TOP1: variants seen among roughly 807,000 people sequenced by gnomAD.
TOP1 encodes DNA topoisomerase I, also known as DNA topoisomerase 1.
In TOP1, 10 loss-of-function variants were observed where a neutral mutation model predicts 111.1. The observed-to-expected ratio is 0.09, with a 90% CI of 0.06 to 0.15. The LOEUF is 0.15. Ranked by LOEUF, TOP1 falls within the 10% of genes least tolerant of loss-of-function variation. The probability of loss-of-function intolerance (pLI) is 1.00; values close to 1 mark genes in which losing one functional copy is unlikely to be tolerated. For missense variants in TOP1, 474 were observed against 926.7 expected, an observed-to-expected ratio of 0.51 and a Z score of 6.34; for synonymous variants, 271 against 302.9, an observed-to-expected ratio of 0.89 and a Z score of 1.10.
intron 2 of TOP1, among the ~76,000 whole-genome samples, chr20:41,050,052 T>C (rs1425876255): frequency 6.6e-6 from 1 of 152,264 alleles, no homozygotes; most frequent in Non-Finnish European, 1.5e-5. Context: ...AGTTTCACTC[T>C]TGTTGCTTAG....
chr20:41,042,035 A>G (rs562666334), intron 2 of TOP1, among the ~76,000 whole-genome samples: 35 of 152,152 alleles, frequency 2.3e-4, no homozygotes, highest in African/African-American at 7.7e-4. Context: ...CATCCTCCTG[A>G]GTACCTGGGA....
chr20:41,073,872 A>C (rs535669990), intron 3 of TOP1, among the ~76,000 whole-genome samples: 1 of 152,318 alleles, frequency 6.6e-6, no homozygotes, highest in South Asian at 2.1e-4. Context: ...AGGGGGAGGC[A>C]GTATATTCAT....
chr20:41,122,052 T>C lies in TOP1; in HGVS notation c.2092T>C (p.Leu698=), dbSNP rs2034432397. 3 of 1,614,098 alleles carry C rather than the reference T, an allele frequency of 1.9e-6. No individual in the cohort carries two copies. The highest frequency in any genetic ancestry group is 1.1e-5 in the South Asian group (1 of 91,070). Residue 698 remains leucine (L), a synonymous_variant, in exon 20 of 21, where the codon TTG becomes CTG. Coordinates refer to ENST00000361337, the MANE Select transcript of TOP1 (RefSeq NM_003286.4). This position sits in a 1 kb window ranked among gnomAD's most constrained non-coding sequence, Gnocchi z 5.4. ...GGCTGTTCAGAGACTGGAGGAACAG[T>C]TGATGAAGCTGGAAGTTCAAGCCAC... The part of the protein sequence containing the change: ...KKAVQRLEEQ[L]MKLEVQATDR...
Position 41,094,411 on chromosome 20 carries a change from G to T in TOP1, c.730+1824G>T, listed in dbSNP as rs1343883453. On this transcript the variant is annotated intron_variant, in intron 9 of 20. Transcript: ENST00000361337. This position sits in a 1 kb window ranked among gnomAD's most constrained non-coding sequence, Gnocchi z 4.4. ...GGTCTGGACTTACCAAGAGCTTTAGGATGCTCAGCTGGTAAAGCCTCACTT... is the reference window on the plus strand; with the variant it reads ...GGTCTGGACTTACCAAGAGCTTTAGTATGCTCAGCTGGTAAAGCCTCACTT... Among the ~76,000 whole-genome samples, 2 of 152,206 alleles carry T rather than the reference G, an allele frequency of 1.3e-5. No individual in the cohort carries two copies. The highest frequency in any genetic ancestry group is 1.3e-4 in the Admixed American group (2 of 15,286).
chr20:41,115,182 GGA>G lies in TOP1; in HGVS notation c.1639-183_1639-182del, dbSNP rs1227678856. Reference sequence around the variant, plus strand: ...TATATATATCTGTAAATATACACATGGAGAGAGTGAGCATACATGCACACTGT... The same window carrying G: ...TATATATATCTGTAAATATACACATGGAGAGTGAGCATACATGCACACTGT... On this transcript the variant is annotated intron_variant, in intron 15 of 20. Transcript: ENST00000361337. This position sits in a 1 kb window ranked among gnomAD's most constrained non-coding sequence, Gnocchi z 6.3. 2.0e-5 allele frequency among the ~76,000 whole-genome samples: 3 copies of G among 151,772 alleles called. No homozygotes were observed. Among genetic ancestry groups the G allele is most frequent in the African/African-American group, 7.3e-5 (3 of 41,254 alleles).
chr20:41,074,724 G>C (rs996228599), intron 3 of TOP1, among the ~76,000 whole-genome samples: 2 of 152,288 alleles, frequency 1.3e-5, no homozygotes, highest in Non-Finnish European at 2.9e-5. Flanking sequence ...ATCTTCTACT[G>C]TAGTCAAGTG....
chr20:41,089,017 G>GTTTTTTTTTTTTTT (rs1290740653), intron 8 of TOP1, among the ~76,000 whole-genome samples: 11 of 69,248 alleles, frequency 1.6e-4, no homozygotes, highest in East Asian at 7.7e-4. Flanking sequence ...TGTTGCCCCA[G>GTTTTTTTTTTTTTT]TTCTTTTTTT....
chr20:41,066,766 G>A (rs775089200), intron 3 of TOP1, among the ~76,000 whole-genome samples: 34 of 152,000 alleles, frequency 2.2e-4, no homozygotes, highest in Admixed American at 9.2e-4. Flanking sequence ...GTGTTAACCA[G>A]GATGGTCTCA....
At chr20:41,054,133 G>A (rs1436957873) in intron 2 of TOP1, among the ~76,000 whole-genome samples, 1 of 152,296 alleles carries the variant, frequency 6.6e-6, no homozygotes, top group South Asian at 2.1e-4. Context: ...TGGTTTGGCT[G>A]TGTCCCCACC....
rs759922739 is a variant in TOP1, at chr20:41,118,159, T to G, written c.1823-10T>G. 1.1e-5 allele frequency: 18 copies of G among 1,612,678 alleles called. No homozygotes were observed. The highest frequency in any genetic ancestry group is 1.5e-5 in the Non-Finnish European group (18 of 1,179,002). ...CTGACCCTCTTGCTACCATGTTCCTTTCTTTACAGCGGATGAGAACATCCC... is the reference window on the plus strand; with the variant it reads ...CTGACCCTCTTGCTACCATGTTCCTGTCTTTACAGCGGATGAGAACATCCC... On this transcript the variant is annotated splice_polypyrimidine_tract_variant and intron_variant, in intron 17 of 20. Coordinates refer to ENST00000361337, the MANE Select transcript of TOP1 (RefSeq NM_003286.4). The surrounding 1 kb of genome is among the most constrained non-coding windows in gnomAD (Gnocchi z 4.6).
rs2033502740 is a variant in TOP1, at chr20:41,058,566, G to A, written c.59-2828G>A. ...GTGAGTACATGACAGTGTGTCACTG[G>A]CCTCCCCCAGAGCAAGGAGAGAGCA... On this transcript the variant is annotated intron_variant, in intron 2 of 20. Transcript: ENST00000361337. This position sits in a 1 kb window ranked among gnomAD's most constrained non-coding sequence, Gnocchi z 4.2. Among the ~76,000 whole-genome samples the A allele has an allele frequency of 6.6e-6, 1 of 152,168 alleles. No individual in the cohort carries two copies. Among genetic ancestry groups the A allele is most frequent in the African/African-American group, 2.4e-5 (1 of 41,430 alleles).
chr20:41,085,447 T>C (rs1321432141), intron 8 of TOP1, among the ~76,000 whole-genome samples: 2 of 152,248 alleles, frequency 1.3e-5, no homozygotes, highest in Non-Finnish European at 2.9e-5. Flanking sequence ...GAAGTGTATT[T>C]AGGTGGAGAA....
rs1000556863 is a variant in TOP1 at position 41,122,446 on chromosome 20, T to G, written c.2195+291T>G. Reference sequence around the variant, plus strand: ...TCCTAATGGAACTTTAGGACAGGAATGGAAACTCTTAGCTTCTGGAAGAAT... The same window carrying G: ...TCCTAATGGAACTTTAGGACAGGAAGGGAAACTCTTAGCTTCTGGAAGAAT... On this transcript the variant is annotated intron_variant, in intron 20 of 20. Transcript: ENST00000361337. This position sits in a 1 kb window ranked among gnomAD's most constrained non-coding sequence, Gnocchi z 5.4. Among the ~76,000 whole-genome samples the G allele has an allele frequency of 1.3e-5, 2 of 150,882 alleles. No individual in the cohort carries two copies. The highest frequency in any genetic ancestry group is 4.8e-5 in the African/African-American group (2 of 41,442).
chr20:41,118,136 G>T lies in TOP1; in HGVS notation c.1823-33G>T. On this transcript the variant is annotated intron_variant, in intron 17 of 20. Coordinates refer to ENST00000361337, the MANE Select transcript of TOP1 (RefSeq NM_003286.4). The surrounding 1 kb of genome is among the most constrained non-coding windows in gnomAD (Gnocchi z 4.6). Reference sequence around the variant, plus strand: ...TGTGTTCACTTTTGGTGTACAAACTGACCCTCTTGCTACCATGTTCCTTTC... The same window carrying T: ...TGTGTTCACTTTTGGTGTACAAACTTACCCTCTTGCTACCATGTTCCTTTC... The T allele has an allele frequency of 1.2e-6, 2 of 1,606,478 alleles. No homozygotes were observed. Among genetic ancestry groups the T allele is most frequent in the East Asian group, 4.5e-5 (2 of 44,702 alleles).
chr20:41,110,049 G>A lies in TOP1; in HGVS notation c.1309-2733G>A, dbSNP rs1487301735. ...TGCCTGTAATCCAAGCACTCTGGGA[G>A]GCCAAGGCGGGTGGATCACTTCAGG... On this transcript the variant is annotated intron_variant, in intron 13 of 20. Coordinates refer to ENST00000361337, the MANE Select transcript of TOP1 (RefSeq NM_003286.4). The surrounding 1 kb of genome is among the most constrained non-coding windows in gnomAD (Gnocchi z 4.2). Among the ~76,000 whole-genome samples the A allele has an allele frequency of 1.3e-5, 2 of 152,212 alleles. No individual in the cohort carries two copies. The highest frequency in any genetic ancestry group is 2.4e-5 in the African/African-American group (1 of 41,446).
Position 41,029,154 on chromosome 20 carries a change from A to AC in TOP1, c.33+59dup. On this transcript the variant is annotated intron_variant, in intron 1 of 20. Transcript: ENST00000361337. The surrounding 1 kb of genome is among the most constrained non-coding windows in gnomAD (Gnocchi z 6.1). ...CGGACCCCGGCCTGGCCGTCCCGCG[A>AC]CCCCCGGCGCAGGCCCCGACCCCAG... The AC allele has an allele frequency of 2.2e-6, 3 of 1,366,724 alleles. No homozygotes were observed. The highest frequency in any genetic ancestry group is 3.1e-5 in the East Asian group (1 of 32,724). The allele number at this position is 1,366,724 out of a possible 1,614,324, so 84.7% of individuals were successfully genotyped here. A position where few individuals can be genotyped will look rare whatever the true frequency, so the allele number is the denominator to read the frequency against.
chr20:41,055,168 TA>T (rs1206698059), intron 2 of TOP1, among the ~76,000 whole-genome samples: 1 of 152,224 alleles, frequency 6.6e-6, no homozygotes, highest in Non-Finnish European at 1.5e-5. Context: ...GGAATTAAAA[TA>T]TTTGTTACTA....
Position 41,029,581 on chromosome 20 carries a change from C to T in TOP1, c.58+126C>T, listed in dbSNP as rs1338455856. On this transcript the variant is annotated intron_variant, in intron 2 of 20. Coordinates refer to ENST00000361337, the MANE Select transcript of TOP1 (RefSeq NM_003286.4). The surrounding 1 kb of genome is among the most constrained non-coding windows in gnomAD (Gnocchi z 6.1). ...GACTAAGTCCCGGCTCCTCGCTCACCGGCCCCATTGTTCCCATCGGGCCGC... is the reference window on the plus strand; with the variant it reads ...GACTAAGTCCCGGCTCCTCGCTCACTGGCCCCATTGTTCCCATCGGGCCGC... 4 of 785,778 alleles carry T rather than the reference C, an allele frequency of 5.1e-6. No individual in the cohort carries two copies. Among genetic ancestry groups the T allele is most frequent in the Non-Finnish European group, 8.5e-6 (4 of 468,582 alleles). The allele number at this position is 785,778 out of a possible 1,614,324, so 48.7% of individuals were successfully genotyped here. A position where few individuals can be genotyped will look rare whatever the true frequency, so the allele number is the denominator to read the frequency against.
intron 14 of TOP1, among the ~76,000 whole-genome samples, chr20:41,113,747 G>A (rs1003710046): frequency 6.6e-6 from 1 of 151,448 alleles, no homozygotes; most frequent in Admixed American, 6.6e-5. Flanking sequence ...AATTGGCGTG[G>A]TGGCGGGCGC....
Sources: allele counts gnomAD v4.1 joint callset (sites outside exome capture counted in the v4.1 genomes callset), GRCh38; gene constraint gnomAD v4.1.1; non-coding constraint Gnocchi (gnomAD v3.1); transcripts MANE v1.5; gene names NCBI Gene and HGNC (gene_info 2026-07-23, HGNC 2026-07-21).